The following IPO11 variants were observed in gnomAD, a reference collection of about 807,000 sequenced individuals.
The protein encoded by IPO11 is importin-11.
IPO11 carries 66 observed loss-of-function variants against 143.2 expected under a neutral mutation model. The observed-to-expected ratio is 0.46, with a 90% CI of 0.38 to 0.57. The LOEUF (loss-of-function observed/expected upper bound fraction) is 0.57, where lower values mean the gene tolerates loss of function less well. Among genes scored for constraint, IPO11 ranks in the 20% least tolerant of loss-of-function variants. The pLI is 0.00. For synonymous variants in IPO11, 385 were observed against 377.8 expected (o/e 1.02, Z -0.22); for missense variants, 1,026 against 1,141.0 (o/e 0.90, Z 1.45).
At chr5:62,536,841 T>A in intron 23 of IPO11, 60 bp downstream of exon 23, 1 of 1,369,454 alleles carries the variant, frequency 7.3e-7, no homozygotes, top group Admixed American at 3.5e-5. Context: ...GATTATTATT[T>A]GAAATCAGGG....
intron 26 of IPO11, 72 bp downstream of exon 26, chr5:62,551,408 A>C: frequency 2.4e-6 from 2 of 828,100 alleles, no homozygotes; most frequent in Non-Finnish European, 2.0e-6. Context: ...TGATGAAATA[A>C]TGAGTCTTTG....
chr5:62,562,647 C>G (rs1022289883), intron 27 of IPO11, among the ~76,000 whole-genome samples: 3 of 152,128 alleles, frequency 2.0e-5, no homozygotes, highest in Non-Finnish European at 4.4e-5. Flanking sequence ...TGGTACCAGT[C>G]CATGGCCCAG....
chr5:62,538,537 A>C (rs1199781427), intron 24 of IPO11, among the ~76,000 whole-genome samples: 1 of 152,134 alleles, frequency 6.6e-6, no homozygotes, highest in African/African-American at 2.4e-5. Flanking sequence ...TTCGCTCAGC[A>C]CTTCTTCCTG....
chr5:62,484,062 A>G lies in IPO11; in HGVS notation c.1074A>G (p.Thr358=), dbSNP rs777538681. 6.2e-6 allele frequency: 10 copies of G among 1,609,600 alleles called. No homozygotes were observed. The Admixed American group carries it at 1.5e-4, about 24-fold the overall frequency. The change falls in exon 11 of 30, where the codon ACA becomes ACG. Residue 358 remains threonine, a synonymous_variant. Transcript: ENST00000325324. ...ATAAGATTAAGATGGCATTCTTCACATATCCTACTTTGACAGAGATATGTA... is the reference window on the plus strand; with the variant it reads ...ATAAGATTAAGATGGCATTCTTCACGTATCCTACTTTGACAGAGATATGTA... ...EAHKIKMAFF[T]YPTLTEICRR...
chr5:62,485,718 C>T (rs1580234781), intron 12 of IPO11, among the ~76,000 whole-genome samples: 1 of 151,670 alleles, frequency 6.6e-6, no homozygotes, highest in Non-Finnish European at 1.5e-5. Context: ...AGAGTGGTGG[C>T]GCATACCTGT....
chr5:62,541,706 G>T (rs1300646352), intron 24 of IPO11, among the ~76,000 whole-genome samples: 2 of 151,572 alleles, frequency 1.3e-5, no homozygotes, highest in African/African-American at 2.4e-5. Flanking sequence ...AAAATTAATT[G>T]TATTTTATTT....
chr5:62,487,215 T>C (rs1047019093), intron 12 of IPO11, among the ~76,000 whole-genome samples: 1 of 152,164 alleles, frequency 6.6e-6, no homozygotes, highest in Non-Finnish European at 1.5e-5. Context: ...AGAGAAAGGC[T>C]ACTTTATTTG....
intron 24 of IPO11, among the ~76,000 whole-genome samples, chr5:62,548,177 G>T (rs1000914774): frequency 6.6e-6 from 1 of 152,124 alleles, no homozygotes. Context: ...GAGACATGTA[G>T]TCAGCTGTGA....
At chr5:62,485,823 C>G (rs1403931403) in intron 12 of IPO11, among the ~76,000 whole-genome samples, 1 of 148,144 alleles carries the variant, frequency 6.8e-6, no homozygotes, top group Non-Finnish European at 1.5e-5. Context: ...GCGTTCTAGC[C>G]TGGATTACAA....
intron 27 of IPO11, chr5:62,581,166 A>G (rs1363047386): frequency 6.4e-7 from 1 of 1,551,238 alleles, no homozygotes; most frequent in Non-Finnish European, 8.7e-7. Context: ...ATCAGTCAGC[A>G]AGGTATAATG....
intron 19 of IPO11, chr5:62,512,467 T>G (rs1741788340): frequency 1.7e-6 from 2 of 1,149,302 alleles, no homozygotes; most frequent in Non-Finnish European, 2.6e-6. Context: ...GAATAGTAAA[T>G]TTGTTTGTGC....
At chr5:62,476,046 G>GTCCT (rs931786963) in intron 8 of IPO11, among the ~76,000 whole-genome samples, 4 of 152,188 alleles carry the variant, frequency 2.6e-5, no homozygotes, top group African/African-American at 9.7e-5. Context: ...GGCAGACACT[G>GTCCT]TCCTGGGTAC....
intron 27 of IPO11, among the ~76,000 whole-genome samples, chr5:62,572,504 A>G (rs1341397074): frequency 6.6e-6 from 1 of 152,004 alleles, no homozygotes; most frequent in African/African-American, 2.4e-5. Context: ...TAATATCTTG[A>G]TTTTATAGTA....
intron 27 of IPO11, among the ~76,000 whole-genome samples, chr5:62,567,495 A>T (rs200321301): frequency 0.67 from 84,014 of 126,012 alleles, 28,046 homozygotes; most frequent in South Asian, 0.78. Context: ...TATTATTATT[A>T]TTTTTTTTAC....
chr5:62,413,116 C>T (rs1417594266), intron 1 of IPO11, among the ~76,000 whole-genome samples, 187 bp downstream of exon 1: 1 of 152,146 alleles, frequency 6.6e-6, no homozygotes, highest in East Asian at 1.9e-4. Context: ...TGGGGGCTGG[C>T]CGAGGCAGCC....
intron 7 of IPO11, among the ~76,000 whole-genome samples, chr5:62,472,947 G>A (rs943498281): frequency 7.2e-5 from 11 of 152,274 alleles, no homozygotes; most frequent in African/African-American, 2.4e-4. Context: ...AAAATCGATG[G>A]CCTTTATAAT....
At chr5:62,475,149 C>T (rs551334529) in intron 8 of IPO11, among the ~76,000 whole-genome samples, 37 of 151,966 alleles carry the variant, frequency 2.4e-4, no homozygotes, top group Non-Finnish European at 4.0e-4. Context: ...TAAAGCGATC[C>T]GCCCACCTTT....
intron 2 of IPO11, among the ~76,000 whole-genome samples, chr5:62,439,894 T>C (rs909172526): frequency 3.3e-5 from 5 of 152,180 alleles, no homozygotes; most frequent in Non-Finnish European, 5.9e-5. Context: ...CTCAGGCTTA[T>C]GTTCTAGTCC....
intron 2 of IPO11, 57 bp downstream of exon 2, chr5:62,437,474 T>G: frequency 1.3e-6 from 2 of 1,491,712 alleles, no homozygotes; most frequent in Non-Finnish European, 1.8e-6. Flanking sequence ...CAACATTAAT[T>G]TGTTTTAAAA....
Sources: gnomAD v4.1 joint callset for allele counts (sites outside exome capture counted in the v4.1 genomes callset) on GRCh38, gnomAD v4.1.1 for gene constraint, MANE v1.5 for transcripts, NCBI Gene and HGNC (gene_info 2026-07-23, HGNC 2026-07-21) for gene names.